The following ADAMTS19 variants were observed in gnomAD, a reference collection of about 807,000 sequenced individuals.
ADAMTS19 encodes ADAM metallopeptidase with thrombospondin type 1 motif 19, also known as A disintegrin and metalloproteinase with thrombospondin motifs 19.
A neutral mutation model predicts 153.3 loss-of-function variants in ADAMTS19; 93 were observed. That is an observed-to-expected ratio of 0.61 (90% CI 0.51 to 0.72). The LOEUF is 0.72. Among genes scored for constraint, ADAMTS19 ranks in the 30% least tolerant of loss-of-function variants. The pLI, the probability that ADAMTS19 is intolerant of heterozygous loss-of-function variation, is 0.00. For synonymous variants in ADAMTS19, 600 were observed against 556.6 expected (o/e 1.08, Z -1.10); for missense variants, 1,482 against 1,552.1 (o/e 0.95, Z 0.76).
rs1751356684 is a variant in ADAMTS19, at chr5:129,509,209, G to C, written c.880G>C (p.Ala294Pro). ...GGAGGAAAAGGTCACAGAGAAGTCAGCTCTTCACAGTCATTACTGTGGTAT... is the reference window on the plus strand; with the variant it reads ...GGAGGAAAAGGTCACAGAGAAGTCACCTCTTCACAGTCATTACTGTGGTAT... Reference protein sequence around the residue: ...SMEEKVTEKSALHSHYCGIIS... With the variant: ...SMEEKVTEKSPLHSHYCGIIS... Residue 294 changes from alanine to proline, a missense_variant, in exon 3 of 23, where the codon GCT (alanine) becomes CCT (proline). Coordinates refer to ENST00000274487, the MANE Select transcript of ADAMTS19 (RefSeq NM_133638.6). 2 of 1,611,984 alleles carry C rather than the reference G, an allele frequency of 1.2e-6. No individual in the cohort carries two copies. The highest frequency in any genetic ancestry group is 1.7e-4 in the Middle Eastern group (1 of 6,046).
intron 2 of ADAMTS19, among the ~76,000 whole-genome samples, chr5:129,495,585 G>C (rs1750901099): frequency 6.6e-6 from 1 of 152,116 alleles, no homozygotes; most frequent in South Asian, 2.1e-4. Context: ...CTGTCTAGTA[G>C]AGAGTTGAAT....
Position 129,528,451 on chromosome 5 carries a change from T to C in ADAMTS19, c.1171-69T>C, listed in dbSNP as rs7731446. The stretch of plus-strand genomic sequence containing the variant: ...TAATTCAAGAGTGCCTTTGTTATTG[T>C]TGTTGTTGTTGTTGTTTTGTATATA... On this transcript the variant is annotated intron_variant, in intron 5 of 22. Coordinates refer to ENST00000274487, the MANE Select transcript of ADAMTS19 (RefSeq NM_133638.6). The C allele has an allele frequency of 2.8e-3, 3,486 of 1,252,588 alleles. 54 individuals carry two copies. In the African/African-American group the frequency reaches 0.043, roughly 15 times the overall value. 77.6% of individuals were successfully genotyped at this position (1,252,588 alleles called of 1,614,324 possible).
chr5:129,612,898 A>T (rs1016065713), intron 8 of ADAMTS19, among the ~76,000 whole-genome samples: 3 of 152,182 alleles, frequency 2.0e-5, no homozygotes, highest in Non-Finnish European at 4.4e-5. Context: ...CTAGTCTCTG[A>T]TAAAACAGAC....
At chr5:129,625,167 G>A (rs139335191) in intron 10 of ADAMTS19, among the ~76,000 whole-genome samples, 400 of 152,172 alleles carry the variant, frequency 2.6e-3, no homozygotes, top group African/African-American at 9.1e-3. Context: ...GGAAATGAAT[G>A]CATCCTTTTT....
intron 18 of ADAMTS19, among the ~76,000 whole-genome samples, chr5:129,690,654 T>A (rs1755292257): frequency 6.6e-6 from 1 of 152,138 alleles, no homozygotes; most frequent in Non-Finnish European, 1.5e-5. Context: ...GAAAGTCGTT[T>A]AAGTTAAATA....
At chr5:129,537,110 G>T (rs1561558104) in intron 6 of ADAMTS19, among the ~76,000 whole-genome samples, 1 of 151,938 alleles carries the variant, frequency 6.6e-6, no homozygotes, top group Non-Finnish European at 1.5e-5. Context: ...CAAAAAGTGG[G>T]TGAAGGATAT....
intron 6 of ADAMTS19, among the ~76,000 whole-genome samples, chr5:129,535,300 C>T (rs922464095): frequency 7.9e-5 from 12 of 152,098 alleles, no homozygotes; most frequent in African/African-American, 2.4e-4. Flanking sequence ...TGAGTGAACT[C>T]CCATTCACAA....
chr5:129,490,970 ATTG>A (rs199976039), intron 2 of ADAMTS19, among the ~76,000 whole-genome samples: 1,972 of 152,074 alleles, frequency 0.013, 39 homozygotes, highest in African/African-American at 0.044. Flanking sequence ...ATAAACATAT[ATTG>A]TTGTTAGAGA....
At chr5:129,529,853 G>A (rs1752138170) in intron 6 of ADAMTS19, among the ~76,000 whole-genome samples, 1 of 152,106 alleles carries the variant, frequency 6.6e-6, no homozygotes. Context: ...CTGCTATGGA[G>A]TTCAGAATTT....
chr5:129,613,055 C>G (rs1751313038), intron 8 of ADAMTS19, among the ~76,000 whole-genome samples: 1 of 152,112 alleles, frequency 6.6e-6, no homozygotes, highest in Non-Finnish European at 1.5e-5. Flanking sequence ...TAGAGACCTA[C>G]AAAGAGACTT....
intron 8 of ADAMTS19, among the ~76,000 whole-genome samples, chr5:129,613,484 C>A (rs1402252050): frequency 6.6e-6 from 1 of 151,768 alleles, no homozygotes; most frequent in East Asian, 1.9e-4. Context: ...TCTTTGAAAC[C>A]AACGAGAACA....
intron 3 of ADAMTS19, among the ~76,000 whole-genome samples, chr5:129,524,212 G>A (rs1277820912): frequency 6.6e-6 from 1 of 152,100 alleles, no homozygotes; most frequent in Non-Finnish European, 1.5e-5. Flanking sequence ...AGTGGTGAAA[G>A]TATTCCCTAT....
intron 2 of ADAMTS19, among the ~76,000 whole-genome samples, chr5:129,486,036 T>C (rs2861444): frequency 0.17 from 25,831 of 151,854 alleles, 3,046 homozygotes; most frequent in African/African-American, 0.33. Flanking sequence ...AGTGATCTGC[T>C]CGCCTCACCC....
chr5:129,729,610 T>A (rs1345870413), intron 21 of ADAMTS19, among the ~76,000 whole-genome samples: 3 of 152,042 alleles, frequency 2.0e-5, no homozygotes, highest in African/African-American at 7.2e-5. Context: ...TTCCATTATT[T>A]CTTGGAGAAT....
intron 3 of ADAMTS19, among the ~76,000 whole-genome samples, chr5:129,509,540 A>G (rs1561544311): frequency 6.6e-6 from 1 of 151,992 alleles, no homozygotes; most frequent in Non-Finnish European, 1.5e-5. Context: ...TGGAATAGAA[A>G]TGACACAGAT....
At chr5:129,463,639 C>T (rs886466259) in intron 2 of ADAMTS19, among the ~76,000 whole-genome samples, 6 of 152,110 alleles carry the variant, frequency 3.9e-5, no homozygotes, top group Non-Finnish European at 8.8e-5. Context: ...ACATGCCAGC[C>T]CTGTTCCCTT....
chr5:129,525,262 C>T (rs1025699299), intron 3 of ADAMTS19, among the ~76,000 whole-genome samples: 6 of 152,018 alleles, frequency 3.9e-5, no homozygotes, highest in South Asian at 2.1e-4. Flanking sequence ...AATCTCTCAG[C>T]GTGTATGCAT....
chr5:129,600,690 G>C (rs1194543830), intron 8 of ADAMTS19, among the ~76,000 whole-genome samples: 1 of 151,980 alleles, frequency 6.6e-6, no homozygotes, highest in Non-Finnish European at 1.5e-5. Flanking sequence ...CTAAAACAAT[G>C]TCAGCAAAAA....
intron 2 of ADAMTS19, chr5:129,500,216 G>A (rs1391595593): frequency 6.6e-6 from 1 of 152,178 alleles, no homozygotes; most frequent in Non-Finnish European, 1.5e-5. Flanking sequence ...GGAGAATGAA[G>A]TCAGAGTCCT....
Sources: allele counts gnomAD v4.1 joint callset (sites outside exome capture counted in the v4.1 genomes callset), GRCh38; gene constraint gnomAD v4.1.1; transcripts MANE v1.5; gene names NCBI Gene and HGNC (gene_info 2026-07-23, HGNC 2026-07-21).